The following HTR7 variants were observed in gnomAD, a reference collection of about 807,000 sequenced individuals.
HTR7 encodes 5-hydroxytryptamine receptor 7.
HTR7 carries 16 observed loss-of-function variants against 34.0 expected under a neutral mutation model. The observed-to-expected ratio is 0.47, with a 90% CI of 0.32 to 0.71. HTR7 has a LOEUF of 0.71. Among genes scored for constraint, HTR7 ranks in the 30% least tolerant of loss-of-function variants. The probability of loss-of-function intolerance (pLI) is 0.04; values close to 1 mark genes in which losing one functional copy is unlikely to be tolerated. For synonymous variants in HTR7, 265 were observed against 260.2 expected (o/e 1.02, Z -0.18); for missense variants, 504 against 625.5 (o/e 0.81, Z 2.07).
intron 1 of HTR7, among the ~76,000 whole-genome samples, chr10:90,786,190 C>T (rs1186030195): frequency 6.6e-6 from 1 of 152,182 alleles, no homozygotes; most frequent in African/African-American, 2.4e-5. Context: ...ATATTATAAA[C>T]CTCACACATC....
intron 1 of HTR7, among the ~76,000 whole-genome samples, chr10:90,845,158 C>T (rs1457944266): frequency 6.6e-6 from 1 of 152,142 alleles, no homozygotes; most frequent in East Asian, 1.9e-4. Flanking sequence ...TCTAGCAAAT[C>T]AACTGGGTGC....
intron 1 of HTR7, among the ~76,000 whole-genome samples, chr10:90,799,874 G>T (rs1845598733): frequency 1.3e-5 from 2 of 152,010 alleles, no homozygotes; most frequent in African/African-American, 2.4e-5. Context: ...TTTAAGTAAT[G>T]ATTTTTAAAA....
intron 1 of HTR7, among the ~76,000 whole-genome samples, chr10:90,833,492 G>C (rs1846209766): frequency 2.6e-5 from 4 of 152,112 alleles, no homozygotes; most frequent in Admixed American, 2.6e-4. Flanking sequence ...GTACCGCATG[G>C]GGTTGTTGTA....
intron 1 of HTR7, among the ~76,000 whole-genome samples, chr10:90,789,212 C>G (rs1016227298): frequency 1.4e-4 from 21 of 152,166 alleles, no homozygotes; most frequent in Admixed American, 2.0e-4. Flanking sequence ...CTATGCTCTG[C>G]ATTGTTATAC....
At chr10:90,828,968 T>A (rs952848644) in intron 1 of HTR7, among the ~76,000 whole-genome samples, 3 of 151,586 alleles carry the variant, frequency 2.0e-5, no homozygotes, top group Non-Finnish European at 4.4e-5. Context: ...CAGGCTAATA[T>A]CCCTGATGAA....
chr10:90,819,802 T>C (rs1334386535), intron 1 of HTR7, among the ~76,000 whole-genome samples: 2 of 151,940 alleles, frequency 1.3e-5, no homozygotes, highest in African/African-American at 4.8e-5. Flanking sequence ...GGGTGGAGTT[T>C]AAGAAGTGTT....
At chr10:90,832,464 G>A (rs571545027) in intron 1 of HTR7, among the ~76,000 whole-genome samples, 2 of 152,286 alleles carry the variant, frequency 1.3e-5, no homozygotes, top group African/African-American at 4.8e-5. Flanking sequence ...CCAGCCGGCT[G>A]CTCCGAGTGC....
chr10:90,801,397 C>T (rs549962990), intron 1 of HTR7, among the ~76,000 whole-genome samples: 38 of 152,298 alleles, frequency 2.5e-4, no homozygotes, highest in Non-Finnish European at 4.4e-4. Context: ...AGTCAAGCTC[C>T]AACCCCGGAA....
intron 1 of HTR7, among the ~76,000 whole-genome samples, chr10:90,837,921 G>A (rs1371306302): frequency 6.6e-6 from 1 of 152,108 alleles, no homozygotes; most frequent in Non-Finnish European, 1.5e-5. Flanking sequence ...TTCCATCTTT[G>A]TCAAAACACT....
At chr10:90,836,092 A>G (rs1320535448) in intron 1 of HTR7, among the ~76,000 whole-genome samples, 2 of 152,154 alleles carry the variant, frequency 1.3e-5, no homozygotes, top group Non-Finnish European at 2.9e-5. Context: ...ATCCCACCTC[A>G]GCGTGAATGA....
intron 1 of HTR7, among the ~76,000 whole-genome samples, chr10:90,775,898 T>C (rs1845199580): frequency 6.6e-6 from 1 of 152,240 alleles, no homozygotes; most frequent in East Asian, 1.9e-4. Context: ...GAGCCATATG[T>C]GTATTTTGAA....
At chr10:90,743,267 C>T (rs1393227428) in intron 3 of HTR7, among the ~76,000 whole-genome samples, 3 of 152,182 alleles carry the variant, frequency 2.0e-5, no homozygotes, top group East Asian at 1.9e-4. Flanking sequence ...CCCTCTCAGC[C>T]CAGCCCTTCA....
At chr10:90,835,448 A>C (rs1286579253) in intron 1 of HTR7, among the ~76,000 whole-genome samples, 1 of 152,186 alleles carries the variant, frequency 6.6e-6, no homozygotes, top group African/African-American at 2.4e-5. Context: ...AAAAAAACAC[A>C]ACCCACCAAG....
chr10:90,781,563 T>C (rs780578099), intron 1 of HTR7, among the ~76,000 whole-genome samples: 6 of 152,174 alleles, frequency 3.9e-5, no homozygotes, highest in Non-Finnish European at 8.8e-5. Flanking sequence ...TAAGAACTGA[T>C]TTTTTAAAAA....
chr10:90,800,882 A>C (rs1478513201), intron 1 of HTR7, among the ~76,000 whole-genome samples: 2 of 152,190 alleles, frequency 1.3e-5, no homozygotes, highest in African/African-American at 4.8e-5. Context: ...TTTGAGACTT[A>C]TGCCTCACAC....
chr10:90,851,524 G>A (rs1218459138), intron 1 of HTR7, among the ~76,000 whole-genome samples: 1 of 145,602 alleles, frequency 6.9e-6, no homozygotes, highest in Non-Finnish European at 1.5e-5. Context: ...AGAATGGTGT[G>A]AGTCCAGGAG....
At chr10:90,834,343 T>C (rs1027835702) in intron 1 of HTR7, among the ~76,000 whole-genome samples, 1 of 151,874 alleles carries the variant, frequency 6.6e-6, no homozygotes, top group Admixed American at 6.6e-5. Flanking sequence ...GAGATGAACA[T>C]TGTGTTATAA....
intron 1 of HTR7, among the ~76,000 whole-genome samples, chr10:90,786,925 T>C (rs1845388611): frequency 6.6e-6 from 1 of 152,198 alleles, no homozygotes; most frequent in South Asian, 2.1e-4. Context: ...AAAATCATCG[T>C]CTGCGTTACT....
intron 1 of HTR7, among the ~76,000 whole-genome samples, chr10:90,792,363 T>C (rs1845471518): frequency 6.6e-6 from 1 of 152,118 alleles, no homozygotes; most frequent in Admixed American, 6.6e-5. Context: ...TGTTGGGGTT[T>C]TTTTGTTTTG....
Sources: allele counts gnomAD v4.1 joint callset (sites outside exome capture counted in the v4.1 genomes callset), GRCh38; gene constraint gnomAD v4.1.1; transcripts MANE v1.5; gene names NCBI Gene and HGNC (gene_info 2026-07-23, HGNC 2026-07-21).